SPON1: variants seen among roughly 807,000 people sequenced by gnomAD.
SPON1 encodes the protein spondin 1.
A neutral mutation model predicts 111.7 loss-of-function variants in SPON1; 52 were observed. The ratio of observed to expected loss-of-function variants is 0.47; its 90% confidence interval spans 0.37 to 0.59. The LOEUF is 0.59. SPON1 is among the 20% of genes least tolerant of loss of function. The probability of loss-of-function intolerance (pLI) is 0.00; values close to 1 mark genes in which losing one functional copy is unlikely to be tolerated. For synonymous variants in SPON1, 410 were observed against 395.8 expected (o/e 1.04, Z -0.43); for missense variants, 957 against 1,068.5 (o/e 0.90, Z 1.46).
At chr11:14,180,863 G>A (rs1230536241) in intron 6 of SPON1, among the ~76,000 whole-genome samples, 1 of 152,166 alleles carries the variant, frequency 6.6e-6, no homozygotes, top group Non-Finnish European at 1.5e-5. Context: ...CCAGCACCTG[G>A]TCCACAGCAG....
chr11:14,068,051 T>C (rs1282659999), intron 3 of SPON1, among the ~76,000 whole-genome samples: 3 of 152,244 alleles, frequency 2.0e-5, no homozygotes, highest in African/African-American at 7.2e-5. Flanking sequence ...CTCTCACATC[T>C]AAAGTAGTTC....
chr11:14,034,510 C>A (rs147744859), intron 2 of SPON1, among the ~76,000 whole-genome samples: 1 of 152,184 alleles, frequency 6.6e-6, no homozygotes, highest in Non-Finnish European at 1.5e-5. Context: ...TTCTCTGGAT[C>A]GAGAGAAATA....
intron 6 of SPON1, among the ~76,000 whole-genome samples, chr11:14,203,880 CATT>C (rs1848488722): frequency 6.6e-6 from 1 of 152,182 alleles, no homozygotes; most frequent in African/African-American, 2.4e-5. Flanking sequence ...TCAGGGAAGA[CATT>C]AACATACAGA....
chr11:13,981,478 C>T (rs1554909631), intron 1 of SPON1, among the ~76,000 whole-genome samples: 2 of 152,180 alleles, frequency 1.3e-5, no homozygotes, highest in African/African-American at 4.8e-5. Flanking sequence ...AGGTGCCTAC[C>T]ACCACGCCTG....
intron 6 of SPON1, among the ~76,000 whole-genome samples, chr11:14,199,113 T>C (rs186378455): frequency 6.6e-6 from 1 of 152,300 alleles, no homozygotes; most frequent in Admixed American, 6.5e-5. Context: ...ATATCAGCCC[T>C]GTTTGCTGGG....
intron 6 of SPON1, among the ~76,000 whole-genome samples, chr11:14,163,418 C>T (rs1047022785): frequency 3.9e-5 from 6 of 152,172 alleles, no homozygotes; most frequent in Non-Finnish European, 7.3e-5. Context: ...TGGGCTCCCG[C>T]CTGTCAGGCT....
chr11:14,090,942 C>T (rs1027954931), intron 5 of SPON1, among the ~76,000 whole-genome samples: 5 of 150,770 alleles, frequency 3.3e-5, no homozygotes, highest in Non-Finnish European at 5.9e-5. Flanking sequence ...AGGTTCTCCA[C>T]GTCCCCATCA....
chr11:14,032,287 A>T (rs1265510549), intron 2 of SPON1, among the ~76,000 whole-genome samples: 1 of 151,068 alleles, frequency 6.6e-6, no homozygotes, highest in Non-Finnish European at 1.5e-5. Context: ...GGGGTGGTGG[A>T]ATGATCAGGA....
intron 6 of SPON1, among the ~76,000 whole-genome samples, chr11:14,176,947 A>T (rs1848183695): frequency 6.6e-6 from 1 of 152,178 alleles, no homozygotes; most frequent in Non-Finnish European, 1.5e-5. Flanking sequence ...AGAGAAAGAG[A>T]AATTCATGCA....
At chr11:14,034,089 A>G (rs1373723160) in intron 2 of SPON1, among the ~76,000 whole-genome samples, 3 of 152,222 alleles carry the variant, frequency 2.0e-5, no homozygotes, top group Non-Finnish European at 4.4e-5. Flanking sequence ...AAGCGAGAGG[A>G]TTACTTGAAC....
rs528026595 is a variant in SPON1, at chr11:14,005,904, C to T, written c.345+22951C>T. ...TCTGCTCTATGACCTCTCTAAGGCT[C>T]GGTTTCTTCCTGCTTGGAAAAGGGG... On this transcript the variant is annotated intron_variant, in intron 2 of 15. Coordinates refer to ENST00000576479, the MANE Select transcript of SPON1 (RefSeq NM_006108.4). Among the ~76,000 whole-genome samples the T allele has an allele frequency of 2.2e-3, 339 of 152,180 alleles. 3 individuals are homozygous for T. The highest frequency in any genetic ancestry group is 3.9e-3 in the Admixed American group (59 of 15,296).
At chr11:14,114,416 C>G (rs1016405814) in intron 5 of SPON1, among the ~76,000 whole-genome samples, 1 of 151,908 alleles carries the variant, frequency 6.6e-6, no homozygotes, top group Non-Finnish European at 1.5e-5. Flanking sequence ...TTAATTACAT[C>G]ACCCTGTGTA....
chr11:14,089,129 G>A (rs1263228045), intron 5 of SPON1, among the ~76,000 whole-genome samples: 1 of 152,036 alleles, frequency 6.6e-6, no homozygotes, highest in Admixed American at 6.6e-5. Flanking sequence ...GCCTACTTCT[G>A]TCAATTTGTC....
At chr11:14,102,417 A>C (rs1316409193) in intron 5 of SPON1, among the ~76,000 whole-genome samples, 4 of 152,168 alleles carry the variant, frequency 2.6e-5, no homozygotes, top group Admixed American at 2.0e-4. Flanking sequence ...TTATTGAGAC[A>C]TTTTGCATTC....
chr11:14,121,665 T>C (rs1161187914), intron 5 of SPON1, among the ~76,000 whole-genome samples: 1 of 152,182 alleles, frequency 6.6e-6, no homozygotes, highest in African/African-American at 2.4e-5. Flanking sequence ...AAGGTGCACC[T>C]TACCCACATA....
At chr11:14,188,573 C>A (rs1327844347) in intron 6 of SPON1, among the ~76,000 whole-genome samples, 1 of 152,074 alleles carries the variant, frequency 6.6e-6, no homozygotes, top group African/African-American at 2.4e-5. Context: ...AAAGAATAAG[C>A]TCATAGCTTC....
chr11:14,139,304 A>C (rs1444380850), intron 6 of SPON1, among the ~76,000 whole-genome samples: 1 of 152,186 alleles, frequency 6.6e-6, no homozygotes. Context: ...CTTAGGACTT[A>C]GCTTAGATGT....
chr11:13,962,940 G>C lies in SPON1; in HGVS notation c.36G>C (p.Arg12=), dbSNP rs1554907632. 2.5e-6 allele frequency: 4 copies of C among 1,576,418 alleles called. No individual in the cohort carries two copies. Among genetic ancestry groups the C allele is most frequent in the Non-Finnish European group, 2.6e-6 (3 of 1,164,098 alleles). ...CCCCGGCGCCCCTGAAGCTGAGCCG[G>C]ACTCCGGCACTGCTGGCCCTGGCGC... ...RLSPAPLKLS[R]TPALLALALP... Residue 12 remains arginine, a synonymous_variant, in exon 1 of 16, where the codon CGG becomes CGC. Coordinates refer to ENST00000576479, the MANE Select transcript of SPON1 (RefSeq NM_006108.4).
At chr11:14,199,719 C>T (rs1317865046) in intron 6 of SPON1, among the ~76,000 whole-genome samples, 1 of 152,250 alleles carries the variant, frequency 6.6e-6, no homozygotes, top group African/African-American at 2.4e-5. Context: ...AATGTGCATG[C>T]TCATATGTAT....
Sources: gnomAD v4.1 joint callset for allele counts (sites outside exome capture counted in the v4.1 genomes callset) on GRCh38, gnomAD v4.1.1 for gene constraint, MANE v1.5 for transcripts, NCBI Gene and HGNC (gene_info 2026-07-23, HGNC 2026-07-21) for gene names.